LRBA: variants seen among roughly 807,000 people sequenced by gnomAD.
LRBA encodes LPS responsive beige-like anchor protein, also known as lipopolysaccharide-responsive and beige-like anchor protein.
A neutral mutation model predicts 330.0 loss-of-function variants in LRBA; 176 were observed. That is an observed-to-expected ratio of 0.53 (90% CI 0.47 to 0.60). The LOEUF (loss-of-function observed/expected upper bound fraction) is 0.60. LRBA is among the 20% of genes least tolerant of loss of function. The probability of loss-of-function intolerance (pLI) is 0.00; values close to 1 mark genes in which losing one functional copy is unlikely to be tolerated. For synonymous variants in LRBA, 1,230 were observed against 1,193.0 expected, an observed-to-expected ratio of 1.03 and a Z score of -0.64; for missense variants, 3,259 against 3,444.8, an observed-to-expected ratio of 0.95 and a Z score of 1.35.
chr4:150,293,519 G>T (rs553593412), intron 53 of LRBA, among the ~76,000 whole-genome samples: 1 of 152,284 alleles, frequency 6.6e-6, no homozygotes, highest in South Asian at 2.1e-4. Context: ...AGCCATAGCT[G>T]CATTTAGAGT....
intron 47 of LRBA, among the ~76,000 whole-genome samples, chr4:150,386,715 C>T (rs1050009000): frequency 2.0e-5 from 3 of 152,098 alleles, no homozygotes; most frequent in African/African-American, 7.2e-5. Context: ...GTGAACAGTG[C>T]TGCAATGAAC....
intron 47 of LRBA, among the ~76,000 whole-genome samples, chr4:150,369,598 G>A (rs192159292): frequency 5.4e-4 from 82 of 151,794 alleles, no homozygotes; most frequent in African/African-American, 1.7e-3. Context: ...AGAAATATAA[G>A]AGCTGCAAAA....
chr4:151,009,367 G>A (rs1041850281), intron 2 of LRBA, among the ~76,000 whole-genome samples: 1 of 151,768 alleles, frequency 6.6e-6, no homozygotes, highest in Non-Finnish European at 1.5e-5. Context: ...TGGCCAACAT[G>A]GTGAAACCCC....
chr4:150,978,307 T>C (rs1740434880), intron 2 of LRBA, among the ~76,000 whole-genome samples: 1 of 152,218 alleles, frequency 6.6e-6, no homozygotes, highest in Admixed American at 6.5e-5. Flanking sequence ...AGGCAGTACC[T>C]CTATGAGTCT....
chr4:150,722,817 G>A (rs1729108686), intron 36 of LRBA, among the ~76,000 whole-genome samples: 2 of 152,082 alleles, frequency 1.3e-5, no homozygotes, highest in South Asian at 4.2e-4. Context: ...GGGGGCAGGA[G>A]AGACAGACTT....
intron 39 of LRBA, among the ~76,000 whole-genome samples, chr4:150,589,127 T>C (rs368650066): frequency 2.8e-4 from 42 of 151,982 alleles, no homozygotes; most frequent in African/African-American, 9.7e-4. Context: ...CAATTCCTCA[T>C]GGTATAAATC....
intron 38 of LRBA, among the ~76,000 whole-genome samples, chr4:150,594,249 AAT>A (rs1185256949): frequency 6.6e-6 from 1 of 151,990 alleles, no homozygotes; most frequent in Non-Finnish European, 1.5e-5. Context: ...ACAGTACTCT[AAT>A]ATACACCACA....
chr4:150,268,623 A>C (rs1029797457), intron 56 of LRBA, among the ~76,000 whole-genome samples: 5 of 152,230 alleles, frequency 3.3e-5, no homozygotes, highest in African/African-American at 1.2e-4. Context: ...CATATAACAT[A>C]CTACATTAAC....
chr4:150,372,643 C>T (rs1254343964), intron 47 of LRBA, among the ~76,000 whole-genome samples: 1 of 148,168 alleles, frequency 6.7e-6, no homozygotes, highest in Non-Finnish European at 1.5e-5. Flanking sequence ...GTTTTGAAAT[C>T]TTGGGCAATA....
chr4:150,303,206 A>C (rs939752517), intron 52 of LRBA, among the ~76,000 whole-genome samples: 1 of 152,240 alleles, frequency 6.6e-6, no homozygotes, highest in African/African-American at 2.4e-5. Flanking sequence ...AAAAGTACTC[A>C]TAATTTAGAT....
chr4:150,788,710 G>C (rs1739448450), intron 34 of LRBA, among the ~76,000 whole-genome samples: 1 of 149,628 alleles, frequency 6.7e-6, no homozygotes, highest in South Asian at 2.1e-4. Context: ...GCAGTGAGCA[G>C]AGATCATGCC....
At chr4:150,605,063 A>C (rs12108435) in intron 37 of LRBA, among the ~76,000 whole-genome samples, 120,928 of 152,108 alleles carry the variant, frequency 0.8, 51,961 homozygotes, top group Non-Finnish European at 0.95. Flanking sequence ...TTATTTAACC[A>C]AAAACCATTA....
chr4:150,302,844 CTA>C, intron 52 of LRBA, 52 bp from the exon 53 acceptor site: 1 of 1,348,860 alleles, frequency 7.4e-7, no homozygotes, highest in Non-Finnish European at 1.0e-6. Flanking sequence ...AATAAAAATT[CTA>C]GTGAACAGAT....
At chr4:150,399,738 G>A (rs914323673) in intron 47 of LRBA, among the ~76,000 whole-genome samples, 5 of 152,104 alleles carry the variant, frequency 3.3e-5, no homozygotes, top group African/African-American at 1.2e-4. Flanking sequence ...CAGCACTTTG[G>A]GTGGGATTAC....
At chr4:150,552,431 T>C (rs1012801801) in intron 40 of LRBA, among the ~76,000 whole-genome samples, 2 of 151,802 alleles carry the variant, frequency 1.3e-5, no homozygotes, top group Non-Finnish European at 2.9e-5. Context: ...GAAATGCAAA[T>C]CAAAACCACA....
chr4:150,351,506 A>G (rs1402091704), intron 47 of LRBA, among the ~76,000 whole-genome samples: 4 of 151,940 alleles, frequency 2.6e-5, no homozygotes, highest in Admixed American at 6.6e-5. Flanking sequence ...TGGCTAACAC[A>G]GTGAAACCCT....
chr4:150,953,595 C>T (rs898470297), intron 2 of LRBA, among the ~76,000 whole-genome samples: 19 of 152,204 alleles, frequency 1.2e-4, no homozygotes, highest in African/African-American at 4.1e-4. Flanking sequence ...CAGCTCCTAC[C>T]GCGAGTGATC....
chr4:150,743,054 G>A (rs1461979349), intron 35 of LRBA, among the ~76,000 whole-genome samples: 1 of 151,994 alleles, frequency 6.6e-6, no homozygotes, highest in Non-Finnish European at 1.5e-5. Flanking sequence ...TGCAACCTCC[G>A]CTCCCTGGGT....
intron 40 of LRBA, among the ~76,000 whole-genome samples, chr4:150,500,158 A>G (rs1760077364): frequency 6.6e-6 from 1 of 152,100 alleles, no homozygotes; most frequent in African/African-American, 2.4e-5. Context: ...TATGCTAATT[A>G]CCCTGATCTG....
Sources: allele counts gnomAD v4.1 joint callset (sites outside exome capture counted in the v4.1 genomes callset), GRCh38; gene constraint gnomAD v4.1.1; transcripts MANE v1.5; gene names NCBI Gene and HGNC (gene_info 2026-07-23, HGNC 2026-07-21).